Variants in IREB2 observed in about 807,000 individuals in gnomAD.
IREB2 encodes iron responsive element binding protein 2.
A neutral mutation model predicts 118.8 loss-of-function variants in IREB2; 39 were observed. The observed-to-expected ratio is 0.33, with a 90% CI of 0.25 to 0.43. The LOEUF is 0.43. Among genes scored for constraint, IREB2 ranks in the 20% least tolerant of loss-of-function variants. The pLI is 1.00. For missense variants in IREB2, 900 were observed against 1,147.3 expected, an observed-to-expected ratio of 0.78 and a Z score of 3.11; for synonymous variants, 372 against 392.2, an observed-to-expected ratio of 0.95 and a Z score of 0.61.
In IREB2 at chr15:78,498,268, A is replaced by C. The variant is rs930484965; in HGVS notation, c.*125A>C. The C allele has an allele frequency of 1.8e-5, 10 of 559,192 alleles. No individual in the cohort carries two copies. Among genetic ancestry groups the C allele is most frequent in the Non-Finnish European group, 1.6e-5 (5 of 309,312 alleles). 34.6% of individuals were successfully genotyped at this position (559,192 alleles called of 1,614,324 possible). On this transcript the variant is annotated 3_prime_UTR_variant, in exon 22 of 22. Coordinates refer to ENST00000258886, the MANE Select transcript of IREB2 (RefSeq NM_004136.4). ...ACTCACTTATCTCATCCATGGATGT[A>C]AATGATGATGAATCAACATAGTAAC...
At chr15:78,495,769 T>G (rs2141532094) in intron 20 of IREB2, among the ~76,000 whole-genome samples, 1 of 152,330 alleles carries the variant, frequency 6.6e-6, no homozygotes, top group Non-Finnish European at 1.5e-5. Flanking sequence ...TTCTACTTTT[T>G]GCACATAAAG....
chr15:78,493,048 T>C (rs935166767), intron 18 of IREB2, among the ~76,000 whole-genome samples: 1 of 152,172 alleles, frequency 6.6e-6, no homozygotes, highest in East Asian at 1.9e-4. Flanking sequence ...TATGAAGCAT[T>C]GTTGCCAAAA....
chr15:78,485,886 G>C, intron 13 of IREB2, 46 bp downstream of exon 13: 1 of 1,525,320 alleles, frequency 6.6e-7, no homozygotes. Flanking sequence ...GTGTTCAGTA[G>C]GTACTGAAGC....
At chr15:78,452,559 C>G (rs530897683) in intron 2 of IREB2, among the ~76,000 whole-genome samples, 1 of 152,080 alleles carries the variant, frequency 6.6e-6, no homozygotes, top group East Asian at 1.9e-4. Context: ...ATTTAGATAT[C>G]AGATAAAGGA....
At chr15:78,476,739 G>A (rs1480570957) in intron 9 of IREB2, 1 of 153,802 alleles carries the variant, frequency 6.5e-6, no homozygotes, top group African/African-American at 2.4e-5. Flanking sequence ...AAAGGGGTTT[G>A]GGGACCAGTC....
intron 2 of IREB2, among the ~76,000 whole-genome samples, chr15:78,449,873 A>G (rs1215772688): frequency 6.6e-6 from 1 of 152,162 alleles, no homozygotes; most frequent in Non-Finnish European, 1.5e-5. Context: ...ATTTATTGTT[A>G]TCAGCTTATT....
At chr15:78,496,557 T>G (rs1049037477) in intron 20 of IREB2, among the ~76,000 whole-genome samples, 6 of 152,098 alleles carry the variant, frequency 3.9e-5, no homozygotes, top group Non-Finnish European at 8.8e-5. Context: ...TGTGAGCCAC[T>G]GCATCCAGCC....
chr15:78,439,945 G>C, intron 2 of IREB2, 64 bp downstream of exon 2: 1 of 990,350 alleles, frequency 1.0e-6, no homozygotes, highest in Non-Finnish European at 1.6e-6. Context: ...CATTTGTCAA[G>C]CTGAGCTGAA....
chr15:78,441,474 T>C (rs567307740), intron 2 of IREB2, among the ~76,000 whole-genome samples: 32 of 152,370 alleles, frequency 2.1e-4, no homozygotes, highest in African/African-American at 7.5e-4. Context: ...AATCTAGTGA[T>C]ACTGGCTTGG....
chr15:78,459,717 C>T (rs765524443), intron 2 of IREB2, among the ~76,000 whole-genome samples: 2 of 152,210 alleles, frequency 1.3e-5, no homozygotes, highest in Non-Finnish European at 2.9e-5. Context: ...TACATTTTTA[C>T]ATTTGGTTTG....
chr15:78,488,517 C>A, intron 15 of IREB2, 130 bp from the exon 16 acceptor site: 2 of 1,006,658 alleles, frequency 2.0e-6, no homozygotes, highest in Non-Finnish European at 2.8e-6. Flanking sequence ...GTAATTAGTT[C>A]TTCCAGCCGC....
At chr15:78,483,628 A>G (rs1426778907) in intron 11 of IREB2, among the ~76,000 whole-genome samples, 194 bp downstream of exon 11, 1 of 152,162 alleles carries the variant, frequency 6.6e-6, no homozygotes, top group Non-Finnish European at 1.5e-5. Flanking sequence ...TTCCATTGTG[A>G]GGATCAGAGA....
intron 20 of IREB2, among the ~76,000 whole-genome samples, chr15:78,495,285 A>G (rs1367737199): frequency 2.0e-5 from 3 of 152,188 alleles, no homozygotes; most frequent in Non-Finnish European, 4.4e-5. Context: ...AATTATAAGT[A>G]TTATTATGAG....
intron 8 of IREB2, chr15:78,473,641 A>C (rs914861226): frequency 2.7e-6 from 1 of 369,422 alleles, no homozygotes; most frequent in Non-Finnish European, 4.9e-6. Flanking sequence ...TACTATTACT[A>C]TTCTCATTGT....
intron 2 of IREB2, among the ~76,000 whole-genome samples, chr15:78,462,101 T>C (rs771838526): frequency 6.6e-6 from 1 of 152,224 alleles, no homozygotes; most frequent in Non-Finnish European, 1.5e-5. Flanking sequence ...GGATATGTTT[T>C]TAAACTCTCT....
chr15:78,465,936 G>A (rs2051273983), intron 4 of IREB2, among the ~76,000 whole-genome samples: 1 of 152,130 alleles, frequency 6.6e-6, no homozygotes, highest in Non-Finnish European at 1.5e-5. Flanking sequence ...TTGCCCTCGA[G>A]ATAAACTGTA....
intron 10 of IREB2, among the ~76,000 whole-genome samples, chr15:78,479,784 AGTGGCATGCTCCC>A (rs933619464): frequency 2.0e-5 from 3 of 152,184 alleles, no homozygotes; most frequent in Non-Finnish European, 4.4e-5. Context: ...ATCCAGGAGT[AGTGGCATGCTCCC>A]GTGGTTCCAC....
chr15:78,462,898 A>G (rs370889120), intron 2 of IREB2, 24 bp from the exon 3 acceptor site: 2 of 1,545,212 alleles, frequency 1.3e-6, no homozygotes, highest in Admixed American at 4.2e-5. Flanking sequence ...TTTGCTTATT[A>G]ATAGTAATAT....
At chr15:78,478,225 C>A in intron 9 of IREB2, 72 bp from the exon 10 acceptor site, 5 of 1,034,162 alleles carry the variant, frequency 4.8e-6, no homozygotes, top group Non-Finnish European at 7.5e-6. Context: ...CAAAGTGAAA[C>A]CCTGTCTGAA....
Sources: gnomAD v4.1 joint callset for allele counts (sites outside exome capture counted in the v4.1 genomes callset) on GRCh38, gnomAD v4.1.1 for gene constraint, MANE v1.5 for transcripts, NCBI Gene and HGNC (gene_info 2026-07-23, HGNC 2026-07-21) for gene names.